The following ROBO1 variants were observed in gnomAD, a reference collection of about 807,000 sequenced individuals.
ROBO1 encodes the protein roundabout guidance receptor 1.
In ROBO1, 149 loss-of-function variants were observed where a neutral mutation model predicts 195.9. That is an observed-to-expected ratio of 0.76 (90% CI 0.67 to 0.87). The LOEUF (loss-of-function observed/expected upper bound fraction) is 0.87, where lower values mean the gene tolerates loss of function less well. Among genes scored for constraint, ROBO1 ranks in the 40% least tolerant of loss-of-function variants. The pLI, the probability that ROBO1 is intolerant of heterozygous loss-of-function variation, is 0.00. For synonymous variants in ROBO1, 816 were observed against 733.2 expected (o/e 1.11, Z -1.82); for missense variants, 1,933 against 2,068.3 (o/e 0.93, Z 1.27).
At chr3:78,944,683 C>T (rs892589596) in intron 3 of ROBO1, among the ~76,000 whole-genome samples, 64 of 152,198 alleles carry the variant, frequency 4.2e-4, no homozygotes, top group African/African-American at 1.3e-3. Flanking sequence ...GTGGGTGCAG[C>T]GCACCGTGTG....
intron 2 of ROBO1, among the ~76,000 whole-genome samples, chr3:79,442,706 T>C (rs1337354440): frequency 6.6e-6 from 1 of 152,102 alleles, no homozygotes; most frequent in Non-Finnish European, 1.5e-5. Context: ...CCTTTCCTCA[T>C]GGTGGAACCA....
At chr3:79,009,568 T>C (rs967557758) in intron 3 of ROBO1, among the ~76,000 whole-genome samples, 2 of 152,198 alleles carry the variant, frequency 1.3e-5, no homozygotes, top group African/African-American at 4.8e-5. Context: ...AAAAGAATGG[T>C]ATTCCCAAAA....
intron 2 of ROBO1, among the ~76,000 whole-genome samples, chr3:79,290,748 C>T (rs911781415): frequency 6.6e-6 from 1 of 152,114 alleles, no homozygotes; most frequent in African/African-American, 2.4e-5. Flanking sequence ...GAACTATGGT[C>T]CACATTCTTT....
intron 2 of ROBO1, among the ~76,000 whole-genome samples, chr3:79,575,177 A>ATATATAACATATATATAAATG: frequency 8.3e-6 from 1 of 120,944 alleles, no homozygotes; most frequent in Non-Finnish European, 1.8e-5. Context: ...ATATATAAAT[A>ATATATAACATATATATAAATG]TATATAACAT....
chr3:79,720,985 G>C (rs1434147897), intron 1 of ROBO1, among the ~76,000 whole-genome samples: 1 of 152,048 alleles, frequency 6.6e-6, no homozygotes, highest in Non-Finnish European at 1.5e-5. Flanking sequence ...GTAAAGACAG[G>C]TTTTCATCGT....
chr3:79,016,105 A>G (rs1238967627), intron 3 of ROBO1, among the ~76,000 whole-genome samples: 1 of 152,220 alleles, frequency 6.6e-6, no homozygotes, highest in Non-Finnish European at 1.5e-5. Context: ...CAAGAACTTC[A>G]TTCATTCTCT....
intron 1 of ROBO1, among the ~76,000 whole-genome samples, chr3:79,622,389 G>A (rs1945035413): frequency 6.6e-6 from 1 of 152,178 alleles, no homozygotes; most frequent in South Asian, 2.1e-4. Context: ...TTGGGGGAGG[G>A]GTAGCAGCTG....
chr3:78,770,163 A>G (rs1181909793), intron 4 of ROBO1, among the ~76,000 whole-genome samples: 1 of 152,152 alleles, frequency 6.6e-6, no homozygotes. Context: ...TTATTCCCCC[A>G]AATATGTTTT....
At chr3:79,097,026 G>A (rs1253025607) in intron 3 of ROBO1, among the ~76,000 whole-genome samples, 3 of 151,536 alleles carry the variant, frequency 2.0e-5, no homozygotes, top group Non-Finnish European at 4.4e-5. Context: ...AAAAATGAAG[G>A]TCAATTTCTC....
intron 1 of ROBO1, among the ~76,000 whole-genome samples, chr3:79,660,714 A>G (rs1020002615): frequency 6.6e-6 from 1 of 152,176 alleles, no homozygotes; most frequent in Admixed American, 6.5e-5. Context: ...AGAGAAATAC[A>G]TTTACCACCC....
chr3:78,836,317 C>T (rs2032709267), intron 4 of ROBO1, among the ~76,000 whole-genome samples: 1 of 151,850 alleles, frequency 6.6e-6, no homozygotes, highest in Non-Finnish European at 1.5e-5. Context: ...TAGAGACCAT[C>T]CTGGCTAACA....
intron 4 of ROBO1, among the ~76,000 whole-genome samples, chr3:78,875,657 G>A (rs2035798390): frequency 6.6e-6 from 1 of 151,938 alleles, no homozygotes. Flanking sequence ...AAAACTATCA[G>A]AATTCTGGCC....
chr3:79,116,545 A>T, intron 3 of ROBO1, among the ~76,000 whole-genome samples: 2 of 118,184 alleles, frequency 1.7e-5, no homozygotes. Context: ...TTTTTTTGAC[A>T]GTCTCACTTT....
chr3:79,327,449 A>G (rs6806822), intron 2 of ROBO1, among the ~76,000 whole-genome samples: 151,719 of 152,158 alleles, frequency 1, 75,641 homozygotes, highest in Middle Eastern at 1. Context: ...TAATGTATTC[A>G]GACTGTTTGA....
At chr3:79,071,671 C>T (rs2079091407) in intron 3 of ROBO1, among the ~76,000 whole-genome samples, 1 of 151,122 alleles carries the variant, frequency 6.6e-6, no homozygotes, top group South Asian at 2.1e-4. Context: ...CTATTCATGC[C>T]TTATATAAGT....
intron 4 of ROBO1, among the ~76,000 whole-genome samples, chr3:78,750,546 T>C (rs1459924293): frequency 1.3e-5 from 2 of 151,318 alleles, no homozygotes; most frequent in Non-Finnish European, 3.0e-5. Flanking sequence ...TAACAAAGCA[T>C]ATAATCACTA....
At chr3:79,309,057 A>T (rs988863586) in intron 2 of ROBO1, among the ~76,000 whole-genome samples, 1 of 145,662 alleles carries the variant, frequency 6.9e-6, no homozygotes, top group Non-Finnish European at 1.5e-5. Flanking sequence ...GTCAATGGAA[A>T]ATTGAAGAAA....
At chr3:79,276,061 C>T (rs2031008627) in intron 2 of ROBO1, among the ~76,000 whole-genome samples, 1 of 151,934 alleles carries the variant, frequency 6.6e-6, no homozygotes, top group South Asian at 2.1e-4. Context: ...AACCAATCTA[C>T]AGATTCAATG....
intron 8 of ROBO1, among the ~76,000 whole-genome samples, chr3:78,712,652 A>G (rs1306549228): frequency 2.0e-5 from 3 of 152,204 alleles, no homozygotes; most frequent in Non-Finnish European, 2.9e-5. Context: ...AGAAAACACA[A>G]CGCAGTTGAA....
Sources: allele counts gnomAD v4.1 joint callset (sites outside exome capture counted in the v4.1 genomes callset), GRCh38; gene constraint gnomAD v4.1.1; transcripts MANE v1.5; gene names NCBI Gene and HGNC (gene_info 2026-07-23, HGNC 2026-07-21).